KYNU: variants seen among roughly 807,000 people sequenced by gnomAD.
KYNU encodes kynureninase.
In KYNU, 54 loss-of-function variants were observed where a neutral mutation model predicts 59.2. The ratio of observed to expected loss-of-function variants is 0.91; its 90% CI spans 0.73 to 1.14. KYNU has a LOEUF of 1.14. KYNU is among the 50% of genes most tolerant of loss of function. KYNU has a pLI of 0.00. For missense variants in KYNU, 567 were observed against 554.4 expected, an observed-to-expected ratio of 1.02 and a Z score of -0.23; for synonymous variants, 177 against 192.0, an observed-to-expected ratio of 0.92 and a Z score of 0.65.
chr2:143,040,318 A>T, intron 12 of KYNU, 110 bp from the exon 13 acceptor site: 1 of 745,080 alleles, frequency 1.3e-6, no homozygotes, highest in Middle Eastern at 2.4e-4. Context: ...GGAGATATTT[A>T]TTGGAAAGAT....
intron 3 of KYNU, among the ~76,000 whole-genome samples, chr2:142,919,824 C>A (rs1478451050): frequency 6.6e-6 from 1 of 152,168 alleles, no homozygotes; most frequent in Admixed American, 6.5e-5. Context: ...GTAATCCCAG[C>A]ACTTTGGGAA....
intron 10 of KYNU, among the ~76,000 whole-genome samples, chr2:142,998,946 T>A (rs1685625678): frequency 7.0e-6 from 1 of 143,732 alleles, no homozygotes; most frequent in Non-Finnish European, 1.5e-5. Context: ...GAGGCTGAGG[T>A]TGCAGTGAGC....
At chr2:143,013,165 C>T (rs1352915618) in intron 10 of KYNU, among the ~76,000 whole-genome samples, 1 of 152,018 alleles carries the variant, frequency 6.6e-6, no homozygotes, top group Admixed American at 6.6e-5. Flanking sequence ...CTGGCTCTGG[C>T]TTATTTTACT....
intron 1 of KYNU, among the ~76,000 whole-genome samples, chr2:142,882,493 C>T (rs917330799): frequency 5.9e-5 from 9 of 152,114 alleles, no homozygotes; most frequent in South Asian, 2.1e-4. Context: ...CCCCACTCCA[C>T]GACAGGCTCC....
chr2:143,039,458 T>C (rs974762102), intron 12 of KYNU, among the ~76,000 whole-genome samples: 2 of 152,190 alleles, frequency 1.3e-5, no homozygotes, highest in African/African-American at 2.4e-5. Context: ...CATTGTATGA[T>C]ATTTAAATCC....
chr2:142,940,179 C>T (rs753007328), intron 4 of KYNU, among the ~76,000 whole-genome samples: 1 of 152,182 alleles, frequency 6.6e-6, no homozygotes, highest in Non-Finnish European at 1.5e-5. Context: ...TTCAAATATT[C>T]TAATATGTAA....
At chr2:142,896,234 C>A (rs1217755482) in intron 2 of KYNU, among the ~76,000 whole-genome samples, 1 of 152,176 alleles carries the variant, frequency 6.6e-6, no homozygotes, top group Non-Finnish European at 1.5e-5. Context: ...TACCATTTTG[C>A]ATTTTGCATT....
intron 12 of KYNU, among the ~76,000 whole-genome samples, chr2:143,033,637 C>G (rs1481572753): frequency 6.6e-6 from 1 of 152,208 alleles, no homozygotes; most frequent in East Asian, 1.9e-4. Context: ...ATTTAACCTT[C>G]TCTTGGCCTC....
intron 2 of KYNU, among the ~76,000 whole-genome samples, chr2:142,892,972 A>T (rs990501945): frequency 3.3e-5 from 5 of 152,184 alleles, no homozygotes; most frequent in Non-Finnish European, 7.3e-5. Context: ...TTTAACGCAT[A>T]TATAGACCTA....
At chr2:142,930,550 A>G (rs1332191621) in intron 4 of KYNU, among the ~76,000 whole-genome samples, 2 of 152,176 alleles carry the variant, frequency 1.3e-5, no homozygotes, top group African/African-American at 4.8e-5. Context: ...GTTGGTTTCT[A>G]GTAAGGGTTC....
rs951063665 is a variant in KYNU, at chr2:142,960,885, A to C, written c.729+115A>C. 5.9e-6 allele frequency: 6 copies of C among 1,021,860 alleles called. No individual in the cohort carries two copies. The Admixed American group carries it at 1.2e-4, about 20-fold the overall frequency. 63.3% of individuals were successfully genotyped at this position (1,021,860 alleles called of 1,614,324 possible). On this transcript the variant is annotated intron_variant, in intron 8 of 13. Coordinates refer to ENST00000264170, the MANE Select transcript of KYNU (RefSeq NM_003937.3). ...CTTGTGTCTGAGTAAAACTATTTCAAAAGTTAAAAAAAAAAAGAGTAAACC... is the reference window on the plus strand; with the variant it reads ...CTTGTGTCTGAGTAAAACTATTTCACAAGTTAAAAAAAAAAAGAGTAAACC...
intron 8 of KYNU, among the ~76,000 whole-genome samples, chr2:142,982,630 A>G (rs189734497): frequency 9.2e-5 from 14 of 152,200 alleles, no homozygotes; most frequent in African/African-American, 2.9e-4. Flanking sequence ...TACAAAGTCA[A>G]TGTGTATGAA....
At chr2:142,903,999 C>G (rs1682199025) in intron 2 of KYNU, among the ~76,000 whole-genome samples, 1 of 152,206 alleles carries the variant, frequency 6.6e-6, no homozygotes, top group African/African-American at 2.4e-5. Flanking sequence ...GCCTGCTCCT[C>G]CTGATCTCTA....
At chr2:142,980,641 C>A (rs934651809) in intron 8 of KYNU, among the ~76,000 whole-genome samples, 2 of 151,920 alleles carry the variant, frequency 1.3e-5, no homozygotes, top group African/African-American at 4.8e-5. Flanking sequence ...TCAGAATGGC[C>A]TGAAAATGAT....
At chr2:143,036,219 G>A (rs929982234) in intron 12 of KYNU, among the ~76,000 whole-genome samples, 3 of 151,910 alleles carry the variant, frequency 2.0e-5, no homozygotes, top group Non-Finnish European at 2.9e-5. Context: ...AATTTATTTA[G>A]TAAGGCCATT....
intron 8 of KYNU, among the ~76,000 whole-genome samples, chr2:142,965,165 G>T (rs147691275): frequency 5.9e-5 from 9 of 152,076 alleles, no homozygotes; most frequent in African/African-American, 2.2e-4. Flanking sequence ...CACTACATCC[G>T]GATGTCCTAT....
chr2:142,918,901 G>A (rs1682773101), intron 3 of KYNU, among the ~76,000 whole-genome samples, 172 bp downstream of exon 3: 1 of 152,184 alleles, frequency 6.6e-6, no homozygotes. Context: ...ATCCACAATG[G>A]TCAAGTCCCT....
In KYNU at chr2:143,040,500, A is replaced by G. The variant is rs767089136; in HGVS notation, c.1114A>G (p.Ile372Val). Residue 372 changes from isoleucine (I) to valine (V), a missense_variant, in exon 13 of 14, where the codon ATC becomes GTC. Physicochemically the swap from Ile to Val is conservative, Grantham distance 29. Coordinates refer to ENST00000264170, the MANE Select transcript of KYNU (RefSeq NM_003937.3). The stretch of plus-strand genomic sequence containing the variant: ...GCTAACTGGCTATCTGGAATACCTG[A>G]TCAAGCATAACTATGGCAAAGATAA... ...VLLTGYLEYL[I>V]KHNYGKDKAA... is the part of the protein sequence containing the mutation. 1 of 1,613,344 alleles carries G rather than the reference A, an allele frequency of 6.2e-7. No individual in the cohort carries two copies. The highest frequency in any genetic ancestry group is 8.5e-7 in the Non-Finnish European group (1 of 1,179,544).
chr2:143,020,545 A>G (rs773480070), intron 10 of KYNU, among the ~76,000 whole-genome samples: 16 of 152,176 alleles, frequency 1.1e-4, no homozygotes, highest in Non-Finnish European at 1.9e-4. Context: ...TTGTGGCCTA[A>G]CATATGGTCT....
Sources: allele counts gnomAD v4.1 joint callset (sites outside exome capture counted in the v4.1 genomes callset), GRCh38; gene constraint gnomAD v4.1.1; transcripts MANE v1.5; gene names NCBI Gene and HGNC (gene_info 2026-07-23, HGNC 2026-07-21).